ROBO1: variants seen among roughly 807,000 people sequenced by gnomAD.
ROBO1 encodes roundabout guidance receptor 1, also known as roundabout homolog 1.
In ROBO1, 149 loss-of-function variants were observed where a neutral mutation model predicts 195.9. The ratio of observed to expected loss-of-function variants is 0.76; its 90% confidence interval spans 0.67 to 0.87. The LOEUF (loss-of-function observed/expected upper bound fraction) is 0.87. Ranked by LOEUF, ROBO1 falls within the 40% of genes least tolerant of loss-of-function variation. ROBO1 has a pLI of 0.00. For synonymous variants in ROBO1, 816 were observed against 733.2 expected (o/e 1.11, Z -1.82); for missense variants, 1,933 against 2,068.3 (o/e 0.93, Z 1.27).
At position 78,646,140 on chromosome 3, in the gene ROBO1, A is replaced by G. The variant is rs767899079; in HGVS notation, c.2882+8T>C. On this transcript the variant is annotated splice_region_variant and intron_variant, in intron 21 of 30. Coordinates refer to ENST00000464233, the MANE Select transcript of ROBO1 (RefSeq NM_002941.4). The stretch of plus-strand genomic sequence containing the variant: ...CTGTAGGATCTACAAAACAAGCAAG[A>G]TAATTACCTCCCTCCACTGCTGACA... 3 of 1,605,372 alleles carry G rather than the reference A, an allele frequency of 1.9e-6. No individual in the cohort carries two copies. The highest frequency in any genetic ancestry group is 2.6e-6 in the Non-Finnish European group (3 of 1,173,876).
Position 79,709,516 on chromosome 3 carries a change from A to AG in ROBO1, c.-51+58235dup, listed in dbSNP as rs375434652. Among the ~76,000 whole-genome samples the AG allele has an allele frequency of 5.1e-3, 685 of 135,504 alleles. 3 individuals are homozygous for AG. Among genetic ancestry groups the AG allele is most frequent in the African/African-American group, 0.02 (642 of 31,794 alleles). The allele number at this position is 135,504 out of a possible 152,430, so 88.9% of individuals were successfully genotyped here. On this transcript the variant is annotated intron_variant, in intron 1 of 30. Coordinates refer to ENST00000464233, the MANE Select transcript of ROBO1 (RefSeq NM_002941.4). Reference sequence around the variant, plus strand: ...AATATTAGACAATTATTAATGTTTCAGAAAAAAGGTTTTCAATATGTACTG... The same window carrying AG: ...AATATTAGACAATTATTAATGTTTCAGGAAAAAAGGTTTTCAATATGTACTG...
At chr3:79,142,243 T>G (rs192133049) in intron 2 of ROBO1, among the ~76,000 whole-genome samples, 5 of 152,292 alleles carry the variant, frequency 3.3e-5, no homozygotes, top group African/African-American at 1.2e-4. Flanking sequence ...TTATTCATAT[T>G]CAAGTGATAG....
intron 3 of ROBO1, among the ~76,000 whole-genome samples, chr3:79,032,750 C>T (rs893903687): frequency 2.0e-5 from 3 of 152,002 alleles, no homozygotes; most frequent in African/African-American, 7.2e-5. Context: ...AAATCAAAAA[C>T]TCAAGGGGTG....
chr3:79,071,467 C>G (rs2079087537), intron 3 of ROBO1, among the ~76,000 whole-genome samples: 1 of 151,626 alleles, frequency 6.6e-6, no homozygotes, highest in East Asian at 1.9e-4. Flanking sequence ...TCCAATAACT[C>G]CAGGACTAGG....
At position 79,718,171 on chromosome 3, in the gene ROBO1, G is replaced by A. The variant is rs150112542; in HGVS notation, c.-51+49581C>T. 4.3e-3 allele frequency among the ~76,000 whole-genome samples: 661 copies of A among 152,010 alleles called. 8 individuals carry two copies. The highest frequency in any genetic ancestry group is 0.015 in the African/African-American group (634 of 41,504). ...ATTTTATTACTAGTCCTAATTTATT[G>A]AGTGAAAAGAAATTCAAATATTAAG... On this transcript the variant is annotated intron_variant, in intron 1 of 30. Coordinates refer to ENST00000464233, the MANE Select transcript of ROBO1 (RefSeq NM_002941.4).
intron 2 of ROBO1, among the ~76,000 whole-genome samples, chr3:79,362,307 T>C (rs915808075): frequency 1.3e-5 from 2 of 152,152 alleles, no homozygotes; most frequent in East Asian, 3.8e-4. Flanking sequence ...CTTAAGGTTA[T>C]GAGTAACAAT....
intron 3 of ROBO1, among the ~76,000 whole-genome samples, chr3:79,094,421 A>G (rs936223819): frequency 3.3e-5 from 5 of 152,118 alleles, no homozygotes; most frequent in African/African-American, 1.2e-4. Context: ...GCAAATCATA[A>G]GTACTGCATG....
intron 2 of ROBO1, among the ~76,000 whole-genome samples, chr3:79,176,821 T>C (rs1378673751): frequency 6.6e-6 from 1 of 152,146 alleles, no homozygotes; most frequent in Non-Finnish European, 1.5e-5. Context: ...CAATATATGT[T>C]TTAAGATTCA....
chr3:79,423,441 T>A (rs974436807), intron 2 of ROBO1, among the ~76,000 whole-genome samples: 2 of 152,178 alleles, frequency 1.3e-5, no homozygotes, highest in Non-Finnish European at 2.9e-5. Context: ...TTTCATGAAG[T>A]GTGAAATCTC....
intron 8 of ROBO1, among the ~76,000 whole-genome samples, chr3:78,696,641 TATATATATATACACATATATATACAC>T (rs2081297431): frequency 6.8e-6 from 1 of 147,564 alleles, no homozygotes; most frequent in Admixed American, 6.9e-5. Context: ...CATGCATATA[TATATATATATACACATATATATACAC>T]ATATATATAC....
At chr3:78,836,240 C>A (rs899419484) in intron 4 of ROBO1, among the ~76,000 whole-genome samples, 1 of 151,922 alleles carries the variant, frequency 6.6e-6, no homozygotes, top group Admixed American at 6.6e-5. Context: ...AGGCCGGGGG[C>A]AGTGGCTCAT....
intron 2 of ROBO1, among the ~76,000 whole-genome samples, chr3:79,280,642 C>A (rs1165611185): frequency 6.6e-6 from 1 of 152,146 alleles, no homozygotes; most frequent in Non-Finnish European, 1.5e-5. Context: ...GGTCCCCAAC[C>A]TTTTTGGCAC....
intron 2 of ROBO1, among the ~76,000 whole-genome samples, chr3:79,138,194 T>C (rs1358345056): frequency 6.6e-6 from 1 of 152,064 alleles, no homozygotes; most frequent in Non-Finnish European, 1.5e-5. Context: ...ATGAATCTTT[T>C]GGTGTAAGTT....
At chr3:79,114,056 A>C (rs1170023073) in intron 3 of ROBO1, among the ~76,000 whole-genome samples, 2 of 152,108 alleles carry the variant, frequency 1.3e-5, no homozygotes, top group Non-Finnish European at 2.9e-5. Flanking sequence ...TGGTTTTATA[A>C]ATGGGAGTTC....
intron 3 of ROBO1, among the ~76,000 whole-genome samples, chr3:79,120,236 T>A (rs1399984069): frequency 2.0e-5 from 3 of 152,128 alleles, no homozygotes; most frequent in East Asian, 3.9e-4. Flanking sequence ...AAGAGGCTAA[T>A]GGATCAGTCC....
chr3:79,586,045 A>G (rs868637906), intron 2 of ROBO1, among the ~76,000 whole-genome samples: 3 of 151,944 alleles, frequency 2.0e-5, no homozygotes, highest in South Asian at 4.1e-4. Flanking sequence ...AAGTATCCCG[A>G]AAGAAATTCC....
intron 3 of ROBO1, among the ~76,000 whole-genome samples, chr3:78,983,610 T>C (rs1191570844): frequency 2.6e-5 from 4 of 152,188 alleles, no homozygotes; most frequent in Admixed American, 6.5e-5. Context: ...TTTCAGAGGC[T>C]GAATCACACT....
In ROBO1 at chr3:78,838,690, G is replaced by A. The variant is rs749535645; in HGVS notation, c.500-91790C>T. 9.9e-5 allele frequency among the ~76,000 whole-genome samples: 15 copies of A among 151,774 alleles called. No homozygotes were observed. The East Asian group carries it at 1.5e-3, about 16-fold the overall frequency. Reference sequence around the variant, plus strand: ...TGAGAAAGTTCATCAATTTACTCATGAGGGAAGCACCCCCGCCCTACCTCC... The same window carrying A: ...TGAGAAAGTTCATCAATTTACTCATAAGGGAAGCACCCCCGCCCTACCTCC... On this transcript the variant is annotated intron_variant, in intron 4 of 30. Transcript: ENST00000464233.
At chr3:78,714,313 C>T (rs1194961242) in intron 8 of ROBO1, 84 bp downstream of exon 8, 7 of 1,332,120 alleles carry the variant, frequency 5.3e-6, no homozygotes, top group African/African-American at 4.4e-5. Context: ...TGTAACATAG[C>T]CCTATACATA....
Sources: allele counts gnomAD v4.1 joint callset (sites outside exome capture counted in the v4.1 genomes callset), GRCh38; gene constraint gnomAD v4.1.1; transcripts MANE v1.5; gene names NCBI Gene and HGNC (gene_info 2026-07-23, HGNC 2026-07-21).